The following ZFHX3 variants were observed in gnomAD, a reference collection of about 807,000 sequenced individuals.
ZFHX3 encodes the protein zinc finger homeobox 3.
A neutral mutation model predicts 279.1 loss-of-function variants in ZFHX3; 42 were observed. The observed-to-expected ratio is 0.15, with a 90% CI of 0.12 to 0.19. The LOEUF is 0.19. Among genes scored for constraint, ZFHX3 ranks in the 10% least tolerant of loss-of-function variants. The pLI is 1.00. For missense variants in ZFHX3, 4,981 were observed against 4,754.0 expected, an observed-to-expected ratio of 1.05 and a Z score of -1.40; for synonymous variants, 2,293 against 1,957.8, an observed-to-expected ratio of 1.17 and a Z score of -4.52.
intron 4 of ZFHX3, among the ~76,000 whole-genome samples, chr16:73,296,634 T>G (rs920571252): frequency 6.6e-6 from 1 of 152,182 alleles, no homozygotes; most frequent in African/African-American, 2.4e-5. Context: ...GAAAGATGTA[T>G]AAATAGAATT....
Position 72,793,451 on chromosome 16 carries a change from A to G in ZFHX3, c.9231T>C (p.Ala3077=), listed in dbSNP as rs757907621. Reference sequence around the variant, plus strand: ...TTTTAATCCGGTCCAACTCTTGTTGAGCCATCAACTGACGTACGGTGGCTG... The same window carrying G: ...TTTTAATCCGGTCCAACTCTTGTTGGGCCATCAACTGACGTACGGTGGCTG... ...FDPATVRQLM[A]QQELDRIKKA... Residue 3077 remains alanine (A), a synonymous_variant, in exon 9 of 10, where the codon GCT becomes GCC. Coordinates refer to ENST00000268489, the MANE Select transcript of ZFHX3 (RefSeq NM_006885.4). This position sits in a 1 kb window ranked among gnomAD's most constrained non-coding sequence, Gnocchi z 4.3. 5.0e-6 allele frequency: 8 copies of G among 1,614,216 alleles called. No individual in the cohort carries two copies. In the East Asian group the frequency reaches 1.6e-4, roughly 31 times the overall value.
intron 4 of ZFHX3, among the ~76,000 whole-genome samples, chr16:72,832,950 T>C (rs1242091408): frequency 2.0e-5 from 3 of 152,192 alleles, no homozygotes; most frequent in Admixed American, 1.3e-4. Context: ...TTAAAATGGA[T>C]GAAAGCCCAG....
chr16:73,298,834 T>G (rs752348295), intron 4 of ZFHX3, among the ~76,000 whole-genome samples: 3 of 152,236 alleles, frequency 2.0e-5, no homozygotes, highest in Non-Finnish European at 2.9e-5. Context: ...TCGTTACTGA[T>G]AGTGATGCCT....
At chr16:73,112,143 C>T (rs1202797891) in intron 7 of ZFHX3, among the ~76,000 whole-genome samples, 1 of 152,010 alleles carries the variant, frequency 6.6e-6, no homozygotes, top group African/African-American at 2.4e-5. Context: ...CAGAGTTTTC[C>T]ATTTCTCTCT....
intron 3 of ZFHX3, among the ~76,000 whole-genome samples, chr16:72,919,859 T>C (rs1315100686): frequency 7.8e-6 from 1 of 127,862 alleles, no homozygotes; most frequent in African/African-American, 2.9e-5. Flanking sequence ...AGTGGCACGA[T>C]CTCAGCTCAC....
chr16:73,123,848 T>C (rs1966528444), intron 7 of ZFHX3, among the ~76,000 whole-genome samples: 1 of 152,144 alleles, frequency 6.6e-6, no homozygotes, highest in Non-Finnish European at 1.5e-5. Flanking sequence ...TTGCCCCTTC[T>C]GCAATATGAA....
Position 72,794,187 on chromosome 16 carries a change from T to C in ZFHX3, c.8495A>G (p.Asn2832Ser). The change falls in exon 9 of 10, where the codon AAC becomes AGC. Residue 2832 changes from asparagine (N) to serine (S), a missense_variant. Physicochemically the swap from Asn to Ser is conservative, Grantham distance 46. This residue lies in a region of ZFHX3 where 744 missense variants were observed against 701.3 expected (regional missense o/e 1.06). Transcript: ENST00000268489. The surrounding 1 kb of genome is among the most constrained non-coding windows in gnomAD (Gnocchi z 4.2). ...TGTGTTGACAGAGGAACAGTCATCGTTGTCCAGCTTAGTTTGGTCAAAGTT... is the reference window on the plus strand; with the variant it reads ...TGTGTTGACAGAGGAACAGTCATCGCTGTCCAGCTTAGTTTGGTCAAAGTT... The part of the protein sequence containing the change: ...NLNFDQTKLD[N>S]DDCSSVNTAI... 1.2e-6 allele frequency: 2 copies of C among 1,614,222 alleles called. No individual in the cohort carries two copies. The highest frequency in any genetic ancestry group is 4.5e-5 in the East Asian group (2 of 44,872).
chr16:72,989,255 C>T (rs908604492), intron 1 of ZFHX3, among the ~76,000 whole-genome samples: 4 of 151,800 alleles, frequency 2.6e-5, no homozygotes, highest in East Asian at 1.9e-4. Flanking sequence ...GAGGCCGAAG[C>T]GGGTGGATCA....
intron 6 of ZFHX3, among the ~76,000 whole-genome samples, chr16:73,141,079 G>A (rs910665492): frequency 1.3e-5 from 2 of 152,172 alleles, no homozygotes; most frequent in Admixed American, 6.5e-5. Flanking sequence ...CTCCCCAGTC[G>A]GGCTGTGAAA....
intron 3 of ZFHX3, among the ~76,000 whole-genome samples, chr16:73,450,116 A>G (rs996838885): frequency 6.6e-6 from 1 of 152,226 alleles, no homozygotes; most frequent in Admixed American, 6.5e-5. Context: ...ATTAATTAAC[A>G]TATCTATCAC....
At chr16:73,181,366 A>G (rs1247096030) in intron 5 of ZFHX3, among the ~76,000 whole-genome samples, 4 of 152,174 alleles carry the variant, frequency 2.6e-5, no homozygotes, top group Non-Finnish European at 5.9e-5. Context: ...CTGGGATTAC[A>G]GGCATGAGCC....
At chr16:73,253,969 A>T (rs1324110737) in intron 5 of ZFHX3, among the ~76,000 whole-genome samples, 1 of 152,150 alleles carries the variant, frequency 6.6e-6, no homozygotes, top group African/African-American at 2.4e-5. Context: ...TCAAATCTCC[A>T]TCTAAGATAA....
At chr16:73,596,272 C>T (rs111507990) in intron 2 of ZFHX3, among the ~76,000 whole-genome samples, 2,881 of 152,216 alleles carry the variant, frequency 0.019, 99 homozygotes, top group African/African-American at 0.067. Context: ...ATCCACCCAC[C>T]TCGGCCTCCC....
intron 2 of ZFHX3, among the ~76,000 whole-genome samples, chr16:73,543,617 T>A (rs939447359): frequency 6.6e-6 from 1 of 152,170 alleles, no homozygotes; most frequent in Non-Finnish European, 1.5e-5. Context: ...GGCTGAAACA[T>A]CTTCAATAGA....
At chr16:73,702,944 T>C (rs963888279) in intron 1 of ZFHX3, among the ~76,000 whole-genome samples, 2 of 152,088 alleles carry the variant, frequency 1.3e-5, no homozygotes, top group African/African-American at 4.8e-5. Flanking sequence ...GGTGTCGGTA[T>C]AATTATGGAA....
At chr16:73,171,018 G>A (rs1967509040) in intron 5 of ZFHX3, among the ~76,000 whole-genome samples, 1 of 152,142 alleles carries the variant, frequency 6.6e-6, no homozygotes, top group African/African-American at 2.4e-5. Flanking sequence ...GGTGGAACCT[G>A]TTATGAACTA....
intron 2 of ZFHX3, among the ~76,000 whole-genome samples, chr16:73,646,781 T>C (rs1463321526): frequency 1.3e-5 from 2 of 152,096 alleles, no homozygotes; most frequent in African/African-American, 4.8e-5. Context: ...ACAAAAAATT[T>C]CAATAGACAA....
intron 3 of ZFHX3, among the ~76,000 whole-genome samples, chr16:73,377,268 G>C (rs2016739120): frequency 3.3e-5 from 5 of 152,038 alleles, no homozygotes; most frequent in Admixed American, 3.3e-4. Context: ...CACCATGCCT[G>C]GCCCACGGCT....
intron 2 of ZFHX3, among the ~76,000 whole-genome samples, chr16:73,526,272 G>C (rs750327791): frequency 6.6e-6 from 1 of 152,232 alleles, no homozygotes; most frequent in South Asian, 2.1e-4. Flanking sequence ...AGGCTAGAAG[G>C]GTCGCTTGAT....
Sources: allele counts gnomAD v4.1 joint callset (sites outside exome capture counted in the v4.1 genomes callset), GRCh38; gene constraint gnomAD v4.1.1; regional missense constraint gnomAD v4.1.1; non-coding constraint Gnocchi (gnomAD v3.1); transcripts MANE v1.5; gene names NCBI Gene and HGNC (gene_info 2026-07-23, HGNC 2026-07-21).